BCAS3: variants seen among roughly 807,000 people sequenced by gnomAD.
BCAS3 encodes the protein BCAS4/BCAS3 fusion.
BCAS3 carries 53 observed loss-of-function variants against 116.1 expected under a neutral mutation model. The ratio of observed to expected loss-of-function variants is 0.46; its 90% CI spans 0.37 to 0.57. The LOEUF (loss-of-function observed/expected upper bound fraction) is 0.57. BCAS3 is among the 20% of genes least tolerant of loss of function. The pLI, the probability that BCAS3 is intolerant of heterozygous loss-of-function variation, is 0.00. For synonymous variants in BCAS3, 391 were observed against 408.2 expected, an observed-to-expected ratio of 0.96 and a Z score of 0.51; for missense variants, 917 against 1,165.4, an observed-to-expected ratio of 0.79 and a Z score of 3.10.
Position 61,083,944 on chromosome 17 carries a change from C to G in BCAS3, c.2328-523C>G, listed in dbSNP as rs553941617. The stretch of plus-strand genomic sequence containing the variant: ...AGTTAGTAGTGACCCACCCCGGCCA[C>G]AGTACATCTTTGTTATCCTATGCTT... On this transcript the variant is annotated intron_variant, in intron 21 of 23. Transcript: ENST00000407086. This position sits in a 1 kb window ranked among gnomAD's most constrained non-coding sequence, Gnocchi z 4.9. 5.3e-5 allele frequency among the ~76,000 whole-genome samples: 8 copies of G among 152,248 alleles called. No homozygotes were observed. Among genetic ancestry groups the G allele is most frequent in the African/African-American group, 1.9e-4 (8 of 41,556 alleles).
At chr17:60,946,285 C>T (rs1171594675) in intron 13 of BCAS3, among the ~76,000 whole-genome samples, 1 of 152,164 alleles carries the variant, frequency 6.6e-6, no homozygotes, top group Non-Finnish European at 1.5e-5. Context: ...CACCTTATAA[C>T]CTGTTGTATA....
At chr17:60,721,180 T>C (rs2039200454) in intron 5 of BCAS3, among the ~76,000 whole-genome samples, 1 of 152,044 alleles carries the variant, frequency 6.6e-6, no homozygotes, top group African/African-American at 2.4e-5. Flanking sequence ...GGGAGTAATA[T>C]AAAGTTAGTG....
intron 22 of BCAS3, among the ~76,000 whole-genome samples, chr17:61,163,960 G>A (rs577528389): frequency 1.5e-5 from 2 of 135,878 alleles, no homozygotes; most frequent in East Asian, 2.2e-4. Context: ...TTGTACCATC[G>A]CACTCCAGCC....
rs576768559 is a variant in BCAS3 at position 61,051,914 on chromosome 17, C to T, written c.2029+11022C>T. On this transcript the variant is annotated intron_variant, in intron 19 of 23. Transcript: ENST00000407086. The surrounding 1 kb of genome is among the most constrained non-coding windows in gnomAD (Gnocchi z 4.1). The stretch of plus-strand genomic sequence containing the variant: ...TCAGCTTCCACATTGAGAAACTAGA[C>T]AAAGTAGAGGAAATTAATGCAAAAC... Among the ~76,000 whole-genome samples the T allele has an allele frequency of 6.6e-6, 1 of 151,780 alleles. No individual in the cohort carries two copies. The highest frequency in any genetic ancestry group is 1.5e-5 in the Non-Finnish European group (1 of 67,918).
chr17:61,288,754 A>G (rs1003998013), intron 22 of BCAS3, among the ~76,000 whole-genome samples: 1 of 152,180 alleles, frequency 6.6e-6, no homozygotes, highest in Admixed American at 6.5e-5. Flanking sequence ...ACCACCCCAC[A>G]TGCCAATCCT....
chr17:61,261,565 C>T lies in BCAS3; in HGVS notation c.2426-106762C>T, dbSNP rs559787735. ...AAAAAAGAGCTGTTTATTTCTTTTC[C>T]GCATGTTTTCCCCCTAGTTTCAAAA... is the stretch of plus-strand genomic sequence containing the variant. On this transcript the variant is annotated intron_variant, in intron 22 of 23. Transcript: ENST00000407086. This position sits in a 1 kb window ranked among gnomAD's most constrained non-coding sequence, Gnocchi z 4.4. 1.8e-4 allele frequency among the ~76,000 whole-genome samples: 28 copies of T among 152,234 alleles called. 1 individual carries two copies. The highest frequency in any genetic ancestry group is 9.8e-4 in the Admixed American group (15 of 15,288).
chr17:61,306,771 G>A (rs1052525141), intron 22 of BCAS3, among the ~76,000 whole-genome samples: 84 of 152,208 alleles, frequency 5.5e-4, no homozygotes, highest in African/African-American at 1.9e-3. Context: ...TCCAGCATGG[G>A]TGACAGAGTG....
At chr17:61,304,798 G>A (rs1356042690) in intron 22 of BCAS3, among the ~76,000 whole-genome samples, 1 of 150,756 alleles carries the variant, frequency 6.6e-6, no homozygotes, top group African/African-American at 2.4e-5. Context: ...TTGTCGCCCA[G>A]GTTGGAGTGC....
At position 61,073,332 on chromosome 17, in the gene BCAS3, T is replaced by G. The variant is rs1487711033; in HGVS notation, c.2030-1588T>G. On this transcript the variant is annotated intron_variant, in intron 19 of 23. Transcript: ENST00000407086. The surrounding 1 kb of genome is among the most constrained non-coding windows in gnomAD (Gnocchi z 4.6). Reference sequence around the variant, plus strand: ...ACTTTAATACTGTGTATGCCTCTGCTGAGTAATTCACTGAATTAGCATTTC... The same window carrying G: ...ACTTTAATACTGTGTATGCCTCTGCGGAGTAATTCACTGAATTAGCATTTC... 6.6e-6 allele frequency among the ~76,000 whole-genome samples: 1 copy of G among 152,248 alleles called. No homozygotes were observed. The highest frequency in any genetic ancestry group is 2.4e-5 in the African/African-American group (1 of 41,476).
At chr17:61,057,446 C>T (rs2069501354) in intron 19 of BCAS3, among the ~76,000 whole-genome samples, 1 of 152,190 alleles carries the variant, frequency 6.6e-6, no homozygotes, top group Non-Finnish European at 1.5e-5. Flanking sequence ...ATGGTTTTGA[C>T]TTCCTTCACA....
rs763410630 is a variant in BCAS3, at chr17:61,188,240, T to C, written c.2425+103676T>C. 6.6e-6 allele frequency among the ~76,000 whole-genome samples: 1 copy of C among 152,224 alleles called. No individual in the cohort carries two copies. The stretch of plus-strand genomic sequence containing the variant: ...TAGCAAGTTTTGTTGTTGTTTAACT[T>C]TAAGGATCTATTGAGTTGGTACCCT... On this transcript the variant is annotated intron_variant, in intron 22 of 23. Transcript: ENST00000407086. The surrounding 1 kb of genome is among the most constrained non-coding windows in gnomAD (Gnocchi z 4.0).
At chr17:60,925,721 CTTTT>C (rs1345915825) in intron 13 of BCAS3, among the ~76,000 whole-genome samples, 1 of 152,060 alleles carries the variant, frequency 6.6e-6, no homozygotes, top group Non-Finnish European at 1.5e-5. Context: ...CTCTCTCTCT[CTTTT>C]TCTTTTAAAT....
At chr17:60,846,322 CA>C (rs562948423) in intron 7 of BCAS3, among the ~76,000 whole-genome samples, 103 of 152,276 alleles carry the variant, frequency 6.8e-4, no homozygotes, top group African/African-American at 2.2e-3. Flanking sequence ...CATATGTATA[CA>C]CAGGGATCCC....
chr17:61,046,059 AT>A (rs1337400510), intron 19 of BCAS3, among the ~76,000 whole-genome samples: 4 of 21,712 alleles, frequency 1.8e-4, no homozygotes, highest in African/African-American at 3.4e-4. Context: ...TATATATATT[AT>A]ATATATATAA....
rs1212884205 is a variant in BCAS3, at chr17:60,882,387, A to G, written c.662-7308A>G. 2.7e-5 allele frequency among the ~76,000 whole-genome samples: 4 copies of G among 146,250 alleles called. No individual in the cohort carries two copies. The East Asian group carries it at 8.1e-4, about 29-fold the overall frequency. ...TTGCGAAAATTTTCTCCCATTTTGTAGGTGGCCTGTTCACTCTGACGGTAG... is the reference window on the plus strand; with the variant it reads ...TTGCGAAAATTTTCTCCCATTTTGTGGGTGGCCTGTTCACTCTGACGGTAG... On this transcript the variant is annotated intron_variant, in intron 9 of 23. Transcript: ENST00000407086.
rs368658394 is a variant in BCAS3, at chr17:61,247,955, C to T, written c.2426-120372C>T. 1.1e-3 allele frequency among the ~76,000 whole-genome samples: 167 copies of T among 152,290 alleles called. 2 individuals carry two copies. Among genetic ancestry groups the T allele is most frequent in the African/African-American group, 3.8e-3 (158 of 41,562 alleles). On this transcript the variant is annotated intron_variant, in intron 22 of 23. Coordinates refer to ENST00000407086, the MANE Select transcript of BCAS3 (RefSeq NM_017679.5). The stretch of plus-strand genomic sequence containing the variant: ...CAGCCGCACTTGTGGTTACAACTTG[C>T]GGCATTGAAAGGCTGTCACATTGGA...
chr17:61,388,795 C>T lies in BCAS3; in HGVS notation c.2594-3182C>T. The T allele has an allele frequency of 8.1e-7, 1 of 1,235,380 alleles. No homozygotes were observed. The highest frequency in any genetic ancestry group is 2.5e-5 in the East Asian group (1 of 39,260). The allele number at this position is 1,235,380 out of a possible 1,614,324, so 76.5% of individuals were successfully genotyped here. ...AGGGGGGAATCTGAGCAGCCCTCCT[C>T]CCCTCCACTTCCCACACACACCCCT... On this transcript the variant is annotated intron_variant, in intron 23 of 23. Transcript: ENST00000407086. This position sits in a 1 kb window ranked among gnomAD's most constrained non-coding sequence, Gnocchi z 6.5.
At chr17:60,924,566 C>A (rs2059274379) in intron 13 of BCAS3, 66 bp downstream of exon 13, 4 of 1,217,344 alleles carry the variant, frequency 3.3e-6, no homozygotes, top group East Asian at 2.3e-5. Context: ...GGTTTTCCAG[C>A]CAAATATGGA....
At chr17:60,713,514 CAACT>C in intron 5 of BCAS3, among the ~76,000 whole-genome samples, 1 of 152,160 alleles carries the variant, frequency 6.6e-6, no homozygotes, top group Non-Finnish European at 1.5e-5. Flanking sequence ...CAGATTCAAC[CAACT>C]GTGGATTGAA....
Sources: allele counts gnomAD v4.1 joint callset (sites outside exome capture counted in the v4.1 genomes callset), GRCh38; gene constraint gnomAD v4.1.1; non-coding constraint Gnocchi (gnomAD v3.1); transcripts MANE v1.5; gene names NCBI Gene and HGNC (gene_info 2026-07-23, HGNC 2026-07-21).